NRG1: variants seen among roughly 807,000 people sequenced by gnomAD.
NRG1 encodes neuregulin 1, also known as pro-neuregulin-1, membrane-bound isoform.
NRG1 carries 18 observed loss-of-function variants against 63.8 expected under a neutral mutation model. That is an observed-to-expected ratio of 0.28 (90% confidence interval 0.19 to 0.42). The LOEUF is 0.42. Ranked by LOEUF, NRG1 falls within the 10% of genes least tolerant of loss-of-function variation. The pLI is 1.00. For synonymous variants in NRG1, 302 were observed against 301.3 expected (o/e 1.00, Z -0.02); for missense variants, 762 against 814.7 (o/e 0.94, Z 0.79).
At chr8:32,067,410 G>T (rs1190826943) in intron 1 of NRG1, among the ~76,000 whole-genome samples, 1 of 152,128 alleles carries the variant, frequency 6.6e-6, no homozygotes, top group Non-Finnish European at 1.5e-5. Flanking sequence ...CGTTGTTGAA[G>T]TTTGTCAAAG....
chr8:32,009,885 C>T (rs1305471416), intron 1 of NRG1, among the ~76,000 whole-genome samples: 2 of 151,510 alleles, frequency 1.3e-5, no homozygotes, highest in African/African-American at 2.4e-5. Flanking sequence ...CCAGCCCTCC[C>T]ATCCCTCCCA....
At chr8:32,652,100 T>A (rs975475783) in intron 5 of NRG1, among the ~76,000 whole-genome samples, 3 of 151,984 alleles carry the variant, frequency 2.0e-5, no homozygotes, top group African/African-American at 4.8e-5. Flanking sequence ...ACACACACAC[T>A]CTCTCTCTCT....
At chr8:31,830,630 G>A (rs976216133) in intron 1 of NRG1, among the ~76,000 whole-genome samples, 11 of 151,836 alleles carry the variant, frequency 7.2e-5, no homozygotes, top group Non-Finnish European at 1.5e-5. Context: ...TAGTTTCCTG[G>A]CCTTGGCTCT....
intron 1 of NRG1, among the ~76,000 whole-genome samples, chr8:31,719,649 C>A (rs1812703479): frequency 1.3e-5 from 2 of 152,182 alleles, no homozygotes; most frequent in East Asian, 3.9e-4. Flanking sequence ...CTACTTTTCC[C>A]CCATTTTGAA....
chr8:32,463,298 C>A (rs190203325), intron 1 of NRG1, among the ~76,000 whole-genome samples: 1 of 152,256 alleles, frequency 6.6e-6, no homozygotes, highest in Admixed American at 6.5e-5. Flanking sequence ...TATTTCATCT[C>A]TTTTGGGCAT....
intron 1 of NRG1, among the ~76,000 whole-genome samples, chr8:31,791,029 G>C (rs1165666790): frequency 6.6e-6 from 1 of 151,966 alleles, no homozygotes; most frequent in Non-Finnish European, 1.5e-5. Flanking sequence ...GGCCAACATG[G>C]TGAAACCCTG....
At chr8:32,533,041 A>G (rs10107065) in intron 1 of NRG1, among the ~76,000 whole-genome samples, 16,674 of 151,818 alleles carry the variant, frequency 0.11, 2,292 homozygotes, top group East Asian at 0.57. Context: ...TTTCACCAAA[A>G]AAAAAAGAAT....
chr8:32,112,368 A>G (rs1267846509), intron 1 of NRG1, among the ~76,000 whole-genome samples: 1 of 152,254 alleles, frequency 6.6e-6, no homozygotes, highest in Non-Finnish European at 1.5e-5. Flanking sequence ...GAGGCTGGAC[A>G]AAGGGAAATG....
chr8:32,397,078 C>A (rs1812526733), intron 1 of NRG1, among the ~76,000 whole-genome samples: 2 of 151,958 alleles, frequency 1.3e-5, no homozygotes, highest in South Asian at 4.2e-4. Flanking sequence ...GAGAACAGAA[C>A]CAATAGGAGA....
At chr8:31,852,061 A>G (rs1293485711) in intron 1 of NRG1, among the ~76,000 whole-genome samples, 1 of 150,898 alleles carries the variant, frequency 6.6e-6, no homozygotes, top group African/African-American at 2.4e-5. Context: ...TAGTGCCGCA[A>G]TAAACATACG....
At chr8:32,450,748 A>G (rs576516928) in intron 1 of NRG1, among the ~76,000 whole-genome samples, 8 of 152,300 alleles carry the variant, frequency 5.3e-5, no homozygotes, top group African/African-American at 1.9e-4. Context: ...AAATGAAGAC[A>G]GAATTCAATG....
chr8:31,884,640 G>A (rs577124289), intron 1 of NRG1, among the ~76,000 whole-genome samples: 1 of 152,120 alleles, frequency 6.6e-6, no homozygotes, highest in Non-Finnish European at 1.5e-5. Context: ...AAGCTGATCT[G>A]AAACACACAG....
chr8:32,769,094 C>CA (rs1831625248), downstream of NRG1, among the ~76,000 whole-genome samples: 1 of 152,146 alleles, frequency 6.6e-6, no homozygotes, highest in Non-Finnish European at 1.5e-5. Context: ...CAAAAGCCAC[C>CA]ACACTCTTTC....
chr8:32,653,123 G>GTTTT (rs150693577), intron 5 of NRG1, among the ~76,000 whole-genome samples: 24 of 148,268 alleles, frequency 1.6e-4, no homozygotes, highest in African/African-American at 3.7e-4. Context: ...TTCCTCTTTG[G>GTTTT]TTTTTTTTTG....
At chr8:32,683,607 G>T (rs1809295219) in intron 5 of NRG1, among the ~76,000 whole-genome samples, 1 of 152,104 alleles carries the variant, frequency 6.6e-6, no homozygotes, top group Admixed American at 6.6e-5. Flanking sequence ...CAGGAGAAGG[G>T]TTGCCTCATG....
At chr8:31,686,706 A>T (rs867043466) in intron 1 of NRG1, among the ~76,000 whole-genome samples, 1 of 152,000 alleles carries the variant, frequency 6.6e-6, no homozygotes, top group South Asian at 2.1e-4. Context: ...TTTTTGCCAA[A>T]TTGGCTACCT....
chr8:31,994,201 T>C (rs778027485), intron 1 of NRG1, among the ~76,000 whole-genome samples: 2 of 151,924 alleles, frequency 1.3e-5, no homozygotes, highest in Non-Finnish European at 2.9e-5. Flanking sequence ...TCATGTTTCT[T>C]GAGAGGAGTG....
At chr8:31,838,614 T>C (rs1265337609) in intron 1 of NRG1, among the ~76,000 whole-genome samples, 2 of 152,162 alleles carry the variant, frequency 1.3e-5, no homozygotes, top group Non-Finnish European at 2.9e-5. Context: ...ATGTTTTCTG[T>C]CAGTGTTTAA....
chr8:32,682,441 T>C (rs964368546), intron 5 of NRG1, among the ~76,000 whole-genome samples: 1 of 152,172 alleles, frequency 6.6e-6, no homozygotes, highest in African/African-American at 2.4e-5. Context: ...AAATATGTAG[T>C]AAATTCATTA....
Sources: allele counts gnomAD v4.1 joint callset (sites outside exome capture counted in the v4.1 genomes callset), GRCh38; gene constraint gnomAD v4.1.1; transcripts MANE v1.5; gene names NCBI Gene and HGNC (gene_info 2026-07-23, HGNC 2026-07-21).